SH2D4A: variants seen among roughly 807,000 people sequenced by gnomAD.
SH2D4A encodes SH2 domain containing 4A, also known as SH2 domain-containing protein 4A.
Under a neutral mutation model 64.7 loss-of-function variants are expected in SH2D4A, and 70 were observed. The ratio of observed to expected loss-of-function variants is 1.08; its 90% CI spans 0.89 to 1.32. The LOEUF (loss-of-function observed/expected upper bound fraction) is 1.32. Ranked by LOEUF, SH2D4A falls within the 40% of genes most tolerant of loss-of-function variation. The probability of loss-of-function intolerance (pLI) is 0.00; values close to 1 mark genes in which losing one functional copy is unlikely to be tolerated. For synonymous variants in SH2D4A, 268 were observed against 200.7 expected (o/e 1.34, Z -2.83); for missense variants, 706 against 540.1 (o/e 1.31, Z -3.04).
At chr8:19,314,091 T>G in intron 1 of SH2D4A, 1 of 792,732 alleles carries the variant, frequency 1.3e-6, no homozygotes, top group Non-Finnish European at 1.5e-6. Flanking sequence ...TGAGCGGCGG[T>G]CCCCGGGGCC....
At chr8:19,389,373 A>T (rs1403378849) in intron 8 of SH2D4A, among the ~76,000 whole-genome samples, 3 of 152,204 alleles carry the variant, frequency 2.0e-5, no homozygotes, top group African/African-American at 7.2e-5. Flanking sequence ...CCCTAAACAC[A>T]TGTGGCTTTT....
chr8:19,342,706 G>C lies in SH2D4A; in HGVS notation c.513+7849G>C, dbSNP rs138159865. Among the ~76,000 whole-genome samples, 1,086 of 152,256 alleles carry C rather than the reference G, an allele frequency of 7.1e-3. 14 individuals are homozygous for C. The highest frequency in any genetic ancestry group is 9.5e-3 in the Non-Finnish European group (648 of 68,022). On this transcript the variant is annotated intron_variant, in intron 4 of 9. Transcript: ENST00000265807. ...CAGGTCCCTCTTATTATCTGCCCCC[G>C]GGAAGGTAATCACGTCTGCACCTTA...
rs2053147980 is a variant in SH2D4A, at chr8:19,373,636, G to C, written c.1024G>C (p.Asp342His). ...PLRAGYQKTS[D>H]TIAPWFHGIL... ...TCGAGCGGGCTACCAGAAAACCTCA[G>C]ACACCATAGCCCCCTGGTTCCATGG... The change falls in exon 8 of 10, where the codon GAC (aspartate) becomes CAC (histidine). Residue 342 changes from aspartate (D) to histidine (H), a missense_variant. Physicochemically the swap from Asp to His is moderately conservative, Grantham distance 81 (BLOSUM62 -1). Transcript: ENST00000265807. 6.2e-7 allele frequency: 1 copy of C among 1,613,348 alleles called. No homozygotes were observed. The highest frequency in any genetic ancestry group is 8.5e-7 in the Non-Finnish European group (1 of 1,179,612).
chr8:19,393,573 T>G, intron 9 of SH2D4A, 32 bp downstream of exon 9: 1 of 1,601,958 alleles, frequency 6.2e-7, no homozygotes, highest in Non-Finnish European at 8.5e-7. Context: ...ATTTGCCTTC[T>G]GAGTTACTGT....
At chr8:19,379,606 T>C (rs988022538) in intron 8 of SH2D4A, among the ~76,000 whole-genome samples, 7 of 152,240 alleles carry the variant, frequency 4.6e-5, no homozygotes, top group African/African-American at 7.2e-5. Context: ...CTGTTTTCCA[T>C]AGTGGCTATG....
intron 9 of SH2D4A, among the ~76,000 whole-genome samples, chr8:19,393,984 A>G (rs912110110): frequency 4.6e-5 from 7 of 152,138 alleles, no homozygotes; most frequent in Non-Finnish European, 8.8e-5. Context: ...ATACAGTTCA[A>G]CATAGTGTAG....
chr8:19,394,806 A>ACAAATACTGGAATT lies in SH2D4A; in HGVS notation c.*168_*181dup, dbSNP rs1211809418. On this transcript the variant is annotated 3_prime_UTR_variant, in exon 10 of 10. Transcript: ENST00000265807. ...GTCCTCATTGACACCTCTTTTCTGC[A>ACAAATACTGGAATT]CAAATACTGGAATTCAATGTCAAGA... is the stretch of plus-strand genomic sequence containing the variant. 2.4e-6 allele frequency: 1 copy of ACAAATACTGGAATT among 423,826 alleles called. No individual in the cohort carries two copies. Among genetic ancestry groups the ACAAATACTGGAATT allele is most frequent in the Non-Finnish European group, 4.1e-6 (1 of 241,030 alleles). The allele number at this position is 423,826 out of a possible 1,614,324, so 26.3% of individuals were successfully genotyped here. A position where few individuals can be genotyped will look rare whatever the true frequency, so the allele number is the denominator to read the frequency against.
At chr8:19,374,213 T>C (rs2053157558) in intron 8 of SH2D4A, among the ~76,000 whole-genome samples, 1 of 152,194 alleles carries the variant, frequency 6.6e-6, no homozygotes, top group Admixed American at 6.5e-5. Context: ...GTAACATAGG[T>C]GGTTGGATCC....
chr8:19,379,781 G>T (rs2053261188), intron 8 of SH2D4A, among the ~76,000 whole-genome samples: 1 of 152,048 alleles, frequency 6.6e-6, no homozygotes, highest in Non-Finnish European at 1.5e-5. Flanking sequence ...CTGTTGCCTA[G>T]GCTGGAGCGC....
chr8:19,327,423 C>T (rs1177290578), intron 2 of SH2D4A, among the ~76,000 whole-genome samples: 4 of 152,122 alleles, frequency 2.6e-5, no homozygotes, highest in Non-Finnish European at 5.9e-5. Context: ...CATTAGGCTC[C>T]CTGAAATGTA....
At chr8:19,378,227 G>C (rs2053228902) in intron 8 of SH2D4A, among the ~76,000 whole-genome samples, 1 of 152,000 alleles carries the variant, frequency 6.6e-6, no homozygotes, top group Admixed American at 6.6e-5. Flanking sequence ...TTTGTGACTT[G>C]TCTTTTAAGT....
intron 4 of SH2D4A, among the ~76,000 whole-genome samples, chr8:19,348,606 C>G (rs2052648451): frequency 1.3e-5 from 2 of 152,106 alleles, no homozygotes; most frequent in African/African-American, 4.8e-5. Context: ...AGGAGAGATT[C>G]AGAAGAGAGT....
At chr8:19,371,804 T>C (rs1292016484) in intron 7 of SH2D4A, among the ~76,000 whole-genome samples, 2 of 152,200 alleles carry the variant, frequency 1.3e-5, no homozygotes, top group Non-Finnish European at 2.9e-5. Flanking sequence ...TCTGGCTCAC[T>C]AATAAGTGTA....
chr8:19,377,705 C>T (rs569550474), intron 8 of SH2D4A, among the ~76,000 whole-genome samples: 54 of 152,024 alleles, frequency 3.6e-4, no homozygotes, highest in Non-Finnish European at 6.6e-4. Context: ...ATATATTACA[C>T]ACGTATCATT....
rs143187101 is a variant in SH2D4A, at chr8:19,360,198, C to T, written c.595-1005C>T. On this transcript the variant is annotated intron_variant, in intron 5 of 9. Transcript: ENST00000265807. ...TAAATTTTGTTATGTGGAATTTTAC[C>T]CTAAGTTTTAAAAACCTAATTCTCC... Among the ~76,000 whole-genome samples, 435 of 151,954 alleles carry T rather than the reference C, an allele frequency of 2.9e-3. 2 individuals carry two copies. Among genetic ancestry groups the T allele is most frequent in the African/African-American group, 0.01 (423 of 41,412 alleles).
intron 8 of SH2D4A, among the ~76,000 whole-genome samples, chr8:19,386,099 G>A (rs1322808975): frequency 6.6e-6 from 1 of 152,222 alleles, no homozygotes; most frequent in African/African-American, 2.4e-5. Context: ...GTGTGGCAGA[G>A]AAGGACAGCT....
intron 8 of SH2D4A, among the ~76,000 whole-genome samples, chr8:19,385,504 C>G (rs903161769): frequency 6.6e-6 from 1 of 152,124 alleles, no homozygotes; most frequent in African/African-American, 2.4e-5. Context: ...CCTGGCCACA[C>G]TTCAGCTATT....
chr8:19,369,097 T>C (rs2053051153), intron 7 of SH2D4A, among the ~76,000 whole-genome samples: 1 of 152,154 alleles, frequency 6.6e-6, no homozygotes, highest in Admixed American at 6.6e-5. Context: ...TCTTGTGGTC[T>C]TTGTCTTTTA....
chr8:19,357,611 A>G (rs1280138176), intron 5 of SH2D4A, among the ~76,000 whole-genome samples: 18 of 152,210 alleles, frequency 1.2e-4, no homozygotes, highest in Admixed American at 1.2e-3. Flanking sequence ...CACTTGGCAG[A>G]AAGAGTGAAT....
Sources: gnomAD v4.1 joint callset for allele counts (sites outside exome capture counted in the v4.1 genomes callset) on GRCh38, gnomAD v4.1.1 for gene constraint, MANE v1.5 for transcripts, NCBI Gene and HGNC (gene_info 2026-07-23, HGNC 2026-07-21) for gene names.